SPON1: variants seen among roughly 807,000 people sequenced by gnomAD.
The protein encoded by SPON1 is spondin 1, also known as spondin-1.
A neutral mutation model predicts 111.7 loss-of-function variants in SPON1; 52 were observed. The observed-to-expected ratio is 0.47, with a 90% CI of 0.37 to 0.59. The LOEUF (loss-of-function observed/expected upper bound fraction) is 0.59, where lower values mean the gene tolerates loss of function less well. Ranked by LOEUF, SPON1 falls within the 20% of genes least tolerant of loss-of-function variation. SPON1 has a pLI of 0.00. For missense variants in SPON1, 957 were observed against 1,068.5 expected, an observed-to-expected ratio of 0.90 and a Z score of 1.46; for synonymous variants, 410 against 395.8, an observed-to-expected ratio of 1.04 and a Z score of -0.43.
chr11:14,051,393 T>A (rs1215067296), intron 3 of SPON1, among the ~76,000 whole-genome samples: 1 of 152,022 alleles, frequency 6.6e-6, no homozygotes, highest in Non-Finnish European at 1.5e-5. Context: ...AAAATTAGCC[T>A]GGTGTGCTGG....
chr11:14,139,550 A>T (rs1847628087), intron 6 of SPON1, among the ~76,000 whole-genome samples: 1 of 152,166 alleles, frequency 6.6e-6, no homozygotes, highest in African/African-American at 2.4e-5. Flanking sequence ...TGTTCATTCA[A>T]TAACTTTATA....
Position 14,079,929 on chromosome 11 carries a change from C to T in SPON1, c.584C>T (p.Pro195Leu), listed in dbSNP as rs1554921873. ...DSTFDGVTDKPILDCCACGTA... is the reference protein window; with the variant it reads ...DSTFDGVTDKLILDCCACGTA... The stretch of plus-strand genomic sequence containing the variant: ...ACATTTGATGGGGTGACTGACAAAC[C>T]CATCTTAGACTGCTGTGCCTGCGGA... The change falls in exon 5 of 16, where the codon CCC (proline) becomes CTC (leucine). Residue 195 changes from proline to leucine, a missense_variant. By Grantham distance (98) the Pro-to-Leu change is moderately conservative. Transcript: ENST00000576479. 6.2e-7 allele frequency: 1 copy of T among 1,613,844 alleles called. No homozygotes were observed. The highest frequency in any genetic ancestry group is 8.5e-7 in the Non-Finnish European group (1 of 1,179,862).
chr11:14,191,945 C>A (rs1317560117), intron 6 of SPON1, among the ~76,000 whole-genome samples: 1 of 152,068 alleles, frequency 6.6e-6, no homozygotes, highest in Non-Finnish European at 1.5e-5. Flanking sequence ...GTTTTTACAG[C>A]CATGTTTGTA....
At chr11:14,225,828 T>A (rs1324099592) in intron 6 of SPON1, among the ~76,000 whole-genome samples, 1 of 152,192 alleles carries the variant, frequency 6.6e-6, no homozygotes, top group Non-Finnish European at 1.5e-5. Context: ...AAGTACGTGA[T>A]GTTTAAGAGA....
At chr11:14,039,909 A>G (rs1848620567) in intron 2 of SPON1, among the ~76,000 whole-genome samples, 1 of 152,246 alleles carries the variant, frequency 6.6e-6, no homozygotes, top group Admixed American at 6.5e-5. Flanking sequence ...GACAATTTGC[A>G]GAAAGGCAAA....
At chr11:14,063,217 C>T (rs1360549220) in intron 3 of SPON1, among the ~76,000 whole-genome samples, 1 of 152,112 alleles carries the variant, frequency 6.6e-6, no homozygotes, top group African/African-American at 2.4e-5. Context: ...AAACAATTTG[C>T]AGTACCTTGT....
intron 1 of SPON1, among the ~76,000 whole-genome samples, chr11:13,975,735 C>T (rs964622298): frequency 6.6e-6 from 1 of 152,176 alleles, no homozygotes; most frequent in Non-Finnish European, 1.5e-5. Flanking sequence ...GTCCCCAAAG[C>T]CAATTCTCTC....
At chr11:14,251,331 C>T (rs1351828159) in intron 7 of SPON1, among the ~76,000 whole-genome samples, 1 of 152,218 alleles carries the variant, frequency 6.6e-6, no homozygotes, top group African/African-American at 2.4e-5. Flanking sequence ...TTTCCCACAC[C>T]TTGAAACACT....
chr11:14,009,701 G>A (rs1166046400), intron 2 of SPON1, among the ~76,000 whole-genome samples: 1 of 152,106 alleles, frequency 6.6e-6, no homozygotes, highest in East Asian at 1.9e-4. Context: ...TACAATTCTG[G>A]AGGCTGAGCA....
At chr11:14,091,282 C>G (rs915359011) in intron 5 of SPON1, among the ~76,000 whole-genome samples, 4 of 152,224 alleles carry the variant, frequency 2.6e-5, no homozygotes, top group African/African-American at 4.8e-5. Flanking sequence ...GATCCCGCAC[C>G]GGGGCTGCAG....
chr11:13,978,950 A>C (rs1006993017), intron 1 of SPON1, among the ~76,000 whole-genome samples: 1 of 152,222 alleles, frequency 6.6e-6, no homozygotes, highest in Non-Finnish European at 1.5e-5. Flanking sequence ...TCCTAAAGGC[A>C]GTGGCTGTGG....
At chr11:14,090,868 A>G (rs1381578430) in intron 5 of SPON1, among the ~76,000 whole-genome samples, 3 of 109,880 alleles carry the variant, frequency 2.7e-5, no homozygotes, top group Non-Finnish European at 5.0e-5. Flanking sequence ...TGATTGGTAG[A>G]GCCCAGTAGC....
intron 3 of SPON1, among the ~76,000 whole-genome samples, chr11:14,060,126 A>G (rs935260857): frequency 3.3e-5 from 5 of 152,220 alleles, no homozygotes; most frequent in Non-Finnish European, 7.3e-5. Context: ...TGCTAGGTCA[A>G]CATCATAATA....
intron 2 of SPON1, among the ~76,000 whole-genome samples, chr11:13,992,629 T>C (rs1848240089): frequency 6.6e-6 from 1 of 152,116 alleles, no homozygotes; most frequent in African/African-American, 2.4e-5. Context: ...CTCCTGCAGC[T>C]AGTTCAGTAT....
At chr11:14,030,430 C>T (rs2031014) in intron 2 of SPON1, among the ~76,000 whole-genome samples, 28,786 of 152,098 alleles carry the variant, frequency 0.19, 4,389 homozygotes, top group African/African-American at 0.42. Flanking sequence ...ATGCCACATG[C>T]CCGGTGCCAG....
intron 9 of SPON1, 70 bp from the exon 10 acceptor site, chr11:14,256,547 C>G: frequency 9.0e-7 from 1 of 1,111,398 alleles, no homozygotes; most frequent in South Asian, 1.3e-5. Context: ...TTTTAGTCCT[C>G]TTTCACCTTC....
At chr11:14,242,803 G>A (rs1012375780) in intron 6 of SPON1, among the ~76,000 whole-genome samples, 4 of 152,224 alleles carry the variant, frequency 2.6e-5, no homozygotes, top group African/African-American at 7.2e-5. Context: ...GGGGCACCAC[G>A]GGTATGGGGC....
chr11:14,133,489 T>G (rs1038191055), intron 5 of SPON1, among the ~76,000 whole-genome samples: 4 of 152,188 alleles, frequency 2.6e-5, no homozygotes, highest in African/African-American at 9.7e-5. Context: ...GAATGGGAGT[T>G]GGCTAAGCCA....
At chr11:14,160,096 A>G (rs1024501616) in intron 6 of SPON1, among the ~76,000 whole-genome samples, 6 of 151,858 alleles carry the variant, frequency 4.0e-5, no homozygotes, top group South Asian at 2.1e-4. Context: ...GGATACTCCA[A>G]TCCCCATAAT....
Sources: gnomAD v4.1 joint callset for allele counts (sites outside exome capture counted in the v4.1 genomes callset) on GRCh38, gnomAD v4.1.1 for gene constraint, MANE v1.5 for transcripts, NCBI Gene and HGNC (gene_info 2026-07-23, HGNC 2026-07-21) for gene names.